The following METTL15 variants were observed in gnomAD, a reference collection of about 807,000 sequenced individuals.
The protein encoded by METTL15 is 12S rRNA N(4)-cytidine methyltransferase METTL15.
Under a neutral mutation model 38.3 loss-of-function variants are expected in METTL15, and 34 were observed. The observed-to-expected ratio is 0.89, with a 90% CI of 0.68 to 1.18. METTL15 has a LOEUF of 1.18. METTL15 is among the 50% of genes most tolerant of loss of function. The pLI, the probability that METTL15 is intolerant of heterozygous loss-of-function variation, is 0.00. For missense variants in METTL15, 438 were observed against 498.4 expected (o/e 0.88, Z 1.15); for synonymous variants, 162 against 170.9 (o/e 0.95, Z 0.41).
chr11:28,241,858 G>A (rs1255124420), intron 4 of METTL15, among the ~76,000 whole-genome samples: 1 of 152,164 alleles, frequency 6.6e-6, no homozygotes, highest in Non-Finnish European at 1.5e-5. Context: ...ATGTCAGAAG[G>A]CTAATGGGTG....
At chr11:28,368,703 G>A (rs759617872) in intron 5 of METTL15, among the ~76,000 whole-genome samples, 15 of 152,216 alleles carry the variant, frequency 9.9e-5, no homozygotes, top group East Asian at 5.8e-4. Flanking sequence ...GCATGCACAC[G>A]TATGTTTTAT....
intron 6 of METTL15, among the ~76,000 whole-genome samples, chr11:28,495,485 C>G (rs1590394138): frequency 6.6e-6 from 1 of 152,188 alleles, no homozygotes; most frequent in African/African-American, 2.4e-5. Flanking sequence ...GTGTCCACTA[C>G]CATCTCGGCT....
intron 5 of METTL15, among the ~76,000 whole-genome samples, chr11:28,366,737 T>G (rs1340505761): frequency 1.3e-5 from 2 of 152,162 alleles, no homozygotes; most frequent in East Asian, 3.9e-4. Flanking sequence ...GGGGCTAAAT[T>G]GGCGCAGCAT....
chr11:28,461,383 T>C (rs1173955609), intron 6 of METTL15, among the ~76,000 whole-genome samples: 16 of 152,118 alleles, frequency 1.1e-4, no homozygotes, highest in Admixed American at 9.8e-4. Flanking sequence ...AACCAAACTG[T>C]ATCCATCTCT....
At chr11:28,262,758 A>G (rs1012640571) in intron 4 of METTL15, among the ~76,000 whole-genome samples, 36 of 152,108 alleles carry the variant, frequency 2.4e-4, no homozygotes, top group African/African-American at 8.2e-4. Context: ...AGTAGCCCAC[A>G]CCTTCTCATT....
At chr11:28,194,056 A>G (rs1266094068) in intron 3 of METTL15, among the ~76,000 whole-genome samples, 2 of 152,064 alleles carry the variant, frequency 1.3e-5, no homozygotes, top group Admixed American at 6.6e-5. Context: ...AGTCTCCAAA[A>G]TAGCTCTGTC....
chr11:28,152,163 G>A (rs766290818), intron 3 of METTL15, among the ~76,000 whole-genome samples: 2 of 151,766 alleles, frequency 1.3e-5, no homozygotes, highest in East Asian at 1.9e-4. Context: ...TTGGAGGAGT[G>A]AAATGAGTTG....
At chr11:28,195,676 G>T (rs537912328) in intron 3 of METTL15, among the ~76,000 whole-genome samples, 2 of 152,140 alleles carry the variant, frequency 1.3e-5, no homozygotes, top group Admixed American at 1.3e-4. Flanking sequence ...TTACTCTGAT[G>T]ATTTTTTCTT....
intron 5 of METTL15, among the ~76,000 whole-genome samples, chr11:28,372,450 C>CTTTTTTTTTTTT (rs56304548): frequency 9.8e-6 from 1 of 101,580 alleles, no homozygotes. Context: ...TTGTTGTGTT[C>CTTTTTTTTTTTT]TTTTTTTTTT....
At chr11:28,218,308 C>T (rs541976873) in intron 4 of METTL15, among the ~76,000 whole-genome samples, 16 of 152,232 alleles carry the variant, frequency 1.1e-4, no homozygotes, top group Middle Eastern at 6.8e-3. Flanking sequence ...GTGTGTTATT[C>T]TCTTTGAAGC....
chr11:28,237,744 T>C (rs1428548171), intron 4 of METTL15, among the ~76,000 whole-genome samples: 1 of 152,194 alleles, frequency 6.6e-6, no homozygotes, highest in Non-Finnish European at 1.5e-5. Context: ...TTATCTACTT[T>C]TGGTCTTTGA....
chr11:28,471,558 C>T (rs1851303254), intron 6 of METTL15, among the ~76,000 whole-genome samples: 1 of 151,998 alleles, frequency 6.6e-6, no homozygotes, highest in Non-Finnish European at 1.5e-5. Flanking sequence ...CAATTGTAGC[C>T]CTCTCTTTGT....
rs151004535 is a variant in METTL15 at position 28,493,753 on chromosome 11, C to G, written c.*425-32725C>G. ...TTTGCATGGTTGATATTACTCCAGA[C>G]TTCAACCTTTTTAGATTTGCAATAT... On this transcript the variant is annotated intron_variant and NMD_transcript_variant, in intron 6 of 7. Coordinates refer to the METTL15 transcript ENST00000532947. 4.5e-3 allele frequency among the ~76,000 whole-genome samples: 689 copies of G among 152,298 alleles called. 13 individuals carry two copies. Among genetic ancestry groups the G allele is most frequent in the East Asian group, 0.014 (72 of 5,184 alleles).
At chr11:28,507,571 G>C (rs1159909038) in intron 6 of METTL15, among the ~76,000 whole-genome samples, 2 of 152,076 alleles carry the variant, frequency 1.3e-5, no homozygotes, top group Non-Finnish European at 2.9e-5. Flanking sequence ...TCCCTTCTTT[G>C]ATTCAACGGA....
chr11:28,129,760 T>C (rs914042528), intron 3 of METTL15, among the ~76,000 whole-genome samples: 5 of 152,314 alleles, frequency 3.3e-5, no homozygotes, highest in African/African-American at 1.2e-4. Flanking sequence ...AAAAGTTGAA[T>C]TCAATAAACA....
chr11:28,183,629 G>A (rs1449677913), intron 3 of METTL15, among the ~76,000 whole-genome samples: 1 of 152,052 alleles, frequency 6.6e-6, no homozygotes, highest in Non-Finnish European at 1.5e-5. Flanking sequence ...TGGTGGATAA[G>A]CTTTTCGATG....
chr11:28,442,768 G>A (rs965557293), intron 6 of METTL15, among the ~76,000 whole-genome samples: 3 of 152,052 alleles, frequency 2.0e-5, no homozygotes, highest in Non-Finnish European at 2.9e-5. Context: ...TATTATTTAC[G>A]TTGGTTTTCG....
intron 6 of METTL15, among the ~76,000 whole-genome samples, chr11:28,481,542 AC>A (rs1175434948): frequency 6.6e-6 from 1 of 152,082 alleles, no homozygotes; most frequent in Non-Finnish European, 1.5e-5. Flanking sequence ...ACTTCAGCTG[AC>A]TTTTCCCCTC....
At chr11:28,388,518 C>A (rs949450641) in intron 5 of METTL15, among the ~76,000 whole-genome samples, 1 of 152,064 alleles carries the variant, frequency 6.6e-6, no homozygotes, top group South Asian at 2.1e-4. Flanking sequence ...AAATACTTTA[C>A]ACTGAAAACT....
Sources: allele counts gnomAD v4.1 joint callset (sites outside exome capture counted in the v4.1 genomes callset), GRCh38; gene constraint gnomAD v4.1.1; transcripts MANE v1.5; gene names NCBI Gene and HGNC (gene_info 2026-07-23, HGNC 2026-07-21).